FAM135B: variants seen among roughly 807,000 people sequenced by gnomAD.
FAM135B encodes protein FAM135B.
In FAM135B, 43 loss-of-function variants were observed where a neutral mutation model predicts 127.7. That is an observed-to-expected ratio of 0.34 (90% CI 0.26 to 0.43). The LOEUF (loss-of-function observed/expected upper bound fraction) is 0.43, where lower values mean the gene tolerates loss of function less well. FAM135B is among the 20% of genes least tolerant of loss of function. The pLI, the probability that FAM135B is intolerant of heterozygous loss-of-function variation, is 1.00. For synonymous variants in FAM135B, 670 were observed against 665.1 expected, an observed-to-expected ratio of 1.01 and a Z score of -0.11; for missense variants, 1,558 against 1,725.6, an observed-to-expected ratio of 0.90 and a Z score of 1.72.
chr8:138,213,559 T>G (rs1818307441), intron 7 of FAM135B, among the ~76,000 whole-genome samples: 1 of 151,748 alleles, frequency 6.6e-6, no homozygotes, highest in South Asian at 2.1e-4. Context: ...GACTTGGCTC[T>G]CAGATCTGGC....
chr8:138,444,438 T>G (rs1422373859), intron 1 of FAM135B, among the ~76,000 whole-genome samples: 4 of 152,006 alleles, frequency 2.6e-5, no homozygotes, highest in African/African-American at 9.7e-5. Context: ...GAACAGAAAT[T>G]ATCACAAACT....
chr8:138,308,329 T>TCC (rs1414053357), intron 3 of FAM135B, among the ~76,000 whole-genome samples: 2 of 152,132 alleles, frequency 1.3e-5, no homozygotes, highest in African/African-American at 2.4e-5. Flanking sequence ...TGCATAAATG[T>TCC]CCCCAGCCTA....
chr8:138,339,115 TG>T (rs1256742601), intron 2 of FAM135B, among the ~76,000 whole-genome samples: 1 of 41,418 alleles, frequency 2.4e-5, no homozygotes, highest in East Asian at 8.6e-4. Flanking sequence ...TGTCATGGGG[TG>T]GGGGAGGGGG....
chr8:138,234,055 A>C (rs1439520074), intron 7 of FAM135B, among the ~76,000 whole-genome samples: 1 of 152,220 alleles, frequency 6.6e-6, no homozygotes, highest in Non-Finnish European at 1.5e-5. Flanking sequence ...GGAGCAAGGC[A>C]TCAGAAGGCT....
chr8:138,166,611 A>C (rs771130758), intron 12 of FAM135B, among the ~76,000 whole-genome samples: 1 of 152,216 alleles, frequency 6.6e-6, no homozygotes, highest in African/African-American at 2.4e-5. Flanking sequence ...ACAAGAGCTA[A>C]GTTCCTATGG....
chr8:138,301,371 A>T (rs1427128663), intron 3 of FAM135B, among the ~76,000 whole-genome samples: 1 of 151,992 alleles, frequency 6.6e-6, no homozygotes, highest in Non-Finnish European at 1.5e-5. Context: ...AACAATCAGG[A>T]TTTTTTTTCT....
At chr8:138,216,132 T>C (rs1818525704) in intron 7 of FAM135B, among the ~76,000 whole-genome samples, 1 of 152,180 alleles carries the variant, frequency 6.6e-6, no homozygotes, top group Non-Finnish European at 1.5e-5. Flanking sequence ...TAGGGTTTCC[T>C]TGTCATATCA....
rs2130481379 is a variant in FAM135B, at chr8:138,132,610, G to A, written c.4204C>T (p.Leu1402Phe). 1.9e-6 allele frequency: 3 copies of A among 1,614,098 alleles called. No individual in the cohort carries two copies. Among genetic ancestry groups the A allele is most frequent in the Non-Finnish European group, 2.5e-6 (3 of 1,179,976 alleles). The change falls in exon 20 of 20, where the codon CTC (leucine) becomes TTC (phenylalanine). Residue 1402 changes from leucine to phenylalanine, a missense_variant. Physicochemically the swap from Leu to Phe is conservative, Grantham distance 22. Around this residue, in one of 5 missense-constraint regions of FAM135B, gnomAD observed 194 missense variants for 333.8 expected, o/e 0.58. Transcript: ENST00000395297. The surrounding 1 kb of genome is among the most constrained non-coding windows in gnomAD (Gnocchi z 4.5). Reference protein sequence around the residue: ...FLEKFFLVAGLNYFK With the variant: ...FLEKFFLVAGFNYFK ...CAAAGCCACTACTTGAAGTAGTTGA[G>A]TCCTGCCACCAAGAAAAACTTCTCC... is the stretch of plus-strand genomic sequence containing the variant.
intron 3 of FAM135B, among the ~76,000 whole-genome samples, chr8:138,272,565 A>T (rs1823463636): frequency 6.6e-6 from 1 of 152,254 alleles, no homozygotes; most frequent in Non-Finnish European, 1.5e-5. Context: ...TCTCTCATCA[A>T]CACTGAGTGG....
Position 138,151,207 on chromosome 8 carries a change from CA to C in FAM135B, c.3267del (p.Ser1089ArgfsTer18). On this transcript the variant is annotated frameshift_variant, in exon 13 of 20. Coordinates refer to ENST00000395297, the MANE Select transcript of FAM135B (RefSeq NM_015912.4). LOFTEE classifies it high-confidence loss of function. Reference sequence around the variant, plus strand: ...CAGCCAGCTTACCTAAACATCCTCTCACTGACTTCCTCATCCAACGTGCTGG... The same window carrying C: ...CAGCCAGCTTACCTAAACATCCTCTCCTGACTTCCTCATCCAACGTGCTGG... ...THSSTLDEEV[S>X]ERMFSFYQAK... The C allele has an allele frequency of 6.5e-7, 1 of 1,534,390 alleles. No individual in the cohort carries two copies. Among genetic ancestry groups the C allele is most frequent in the Non-Finnish European group, 8.8e-7 (1 of 1,141,000 alleles).
Position 138,167,876 on chromosome 8 carries a change from C to A in FAM135B, c.1258+19G>T, listed in dbSNP as rs1035411000. The A allele has an allele frequency of 4.4e-6, 7 of 1,593,618 alleles. No individual in the cohort carries two copies. In the African/African-American group the frequency reaches 8.1e-5, roughly 18 times the overall value. On this transcript the variant is annotated intron_variant, in intron 12 of 19. Transcript: ENST00000395297. ...GGAAAGCCTTATTCCTGAGTCTTTC[C>A]AAAACAAAACAGACAAACCTGTCGC...
intron 3 of FAM135B, among the ~76,000 whole-genome samples, chr8:138,288,753 A>G (rs902998791): frequency 6.6e-6 from 1 of 152,226 alleles, no homozygotes; most frequent in Admixed American, 6.5e-5. Flanking sequence ...TTTTCTTTTA[A>G]GAAGATAATT....
intron 1 of FAM135B, among the ~76,000 whole-genome samples, chr8:138,444,185 C>A (rs901632265): frequency 2.6e-5 from 4 of 152,218 alleles, no homozygotes; most frequent in Admixed American, 2.0e-4. Flanking sequence ...GACTTAGGCT[C>A]CCACACAATA....
At position 138,426,771 on chromosome 8, in the gene FAM135B, T is replaced by C. The variant is rs372382337; in HGVS notation, c.-19-58769A>G. ...AGAGTAGACCTAAACACATATTCCT[T>C]GACCTATGAGACACGAATTATGATA... On this transcript the variant is annotated intron_variant, in intron 1 of 19. Transcript: ENST00000395297. Among the ~76,000 whole-genome samples the C allele has an allele frequency of 1.4e-4, 21 of 152,098 alleles. No homozygotes were observed. In the East Asian group the frequency reaches 2.9e-3, roughly 21 times the overall value.
chr8:138,432,878 G>A (rs1280221376), intron 1 of FAM135B, among the ~76,000 whole-genome samples: 1 of 151,992 alleles, frequency 6.6e-6, no homozygotes, highest in African/African-American at 2.4e-5. Context: ...GGGTGACGGG[G>A]CCCCAGAAAA....
chr8:138,341,892 G>T (rs1829072410), intron 2 of FAM135B, among the ~76,000 whole-genome samples: 1 of 152,166 alleles, frequency 6.6e-6, no homozygotes, highest in Non-Finnish European at 1.5e-5. Context: ...CTCCCCAGAA[G>T]TTCACTAATA....
Position 138,480,164 on chromosome 8 carries a change from T to C in FAM135B, c.-20+16507A>G, listed in dbSNP as rs116039548. 1.3e-3 allele frequency among the ~76,000 whole-genome samples: 197 copies of C among 152,290 alleles called. 2 individuals are homozygous for C. The highest frequency in any genetic ancestry group is 4.1e-3 in the African/African-American group (172 of 41,546). On this transcript the variant is annotated intron_variant, in intron 1 of 19. Transcript: ENST00000395297. Reference sequence around the variant, plus strand: ...ACTGGCTCCACCATTCTTAACAATTTAATTTCCTCATGTGAATTCCATGGG... The same window carrying C: ...ACTGGCTCCACCATTCTTAACAATTCAATTTCCTCATGTGAATTCCATGGG...
At chr8:138,444,478 G>C (rs1357306001) in intron 1 of FAM135B, among the ~76,000 whole-genome samples, 2 of 152,152 alleles carry the variant, frequency 1.3e-5, no homozygotes. Flanking sequence ...AATCAAATTA[G>C]AACTCAGGAT....
At chr8:138,464,288 A>C (rs945404724) in intron 1 of FAM135B, among the ~76,000 whole-genome samples, 2 of 152,128 alleles carry the variant, frequency 1.3e-5, no homozygotes, top group African/African-American at 4.8e-5. Flanking sequence ...CTCCCTCCTG[A>C]GACACAAATG....
Sources: allele counts gnomAD v4.1 joint callset (sites outside exome capture counted in the v4.1 genomes callset), GRCh38; gene constraint gnomAD v4.1.1; regional missense constraint gnomAD v4.1.1; non-coding constraint Gnocchi (gnomAD v3.1); transcripts MANE v1.5; gene names NCBI Gene and HGNC (gene_info 2026-07-23, HGNC 2026-07-21).